CRTC1: variants seen among roughly 807,000 people sequenced by gnomAD.
The protein encoded by CRTC1 is CREB-regulated transcription coactivator 1.
A neutral mutation model predicts 66.1 loss-of-function variants in CRTC1; 18 were observed. The observed-to-expected ratio is 0.27, with a 90% CI of 0.19 to 0.40. CRTC1 has a LOEUF of 0.40. CRTC1 is among the 10% of genes least tolerant of loss of function. The probability of loss-of-function intolerance (pLI) is 1.00; values close to 1 mark genes in which losing one functional copy is unlikely to be tolerated. For synonymous variants in CRTC1, 416 were observed against 398.8 expected, an observed-to-expected ratio of 1.04 and a Z score of -0.51; for missense variants, 669 against 887.9, an observed-to-expected ratio of 0.75 and a Z score of 3.13.
intron 1 of CRTC1, among the ~76,000 whole-genome samples, chr19:18,737,189 C>T (rs545634139): frequency 6.7e-6 from 1 of 148,828 alleles, no homozygotes; most frequent in African/African-American, 2.5e-5. Context: ...AGGGTCCTGT[C>T]AGCAAGGGGT....
rs1181276874 is a variant in CRTC1, at chr19:18,768,918, T to A, written c.1320+125T>A. 1 of 1,223,576 alleles carries A rather than the reference T, an allele frequency of 8.2e-7. No individual in the cohort carries two copies. Among genetic ancestry groups the A allele is most frequent in the African/African-American group, 1.6e-5 (1 of 63,014 alleles). 75.8% of individuals were successfully genotyped at this position (1,223,576 alleles called of 1,614,324 possible). On this transcript the variant is annotated intron_variant, in intron 10 of 13. Coordinates refer to ENST00000321949, the MANE Select transcript of CRTC1 (RefSeq NM_015321.3). This position sits in a 1 kb window ranked among gnomAD's most constrained non-coding sequence, Gnocchi z 5.6. ...GGTCAGAACCCCAGCGAACGCTGCCTGGGCCCACCTCTCCACGGGGCTACC... is the reference window on the plus strand; with the variant it reads ...GGTCAGAACCCCAGCGAACGCTGCCAGGGCCCACCTCTCCACGGGGCTACC...
At chr19:18,740,040 G>A (rs2145716937) in intron 1 of CRTC1, among the ~76,000 whole-genome samples, 1 of 152,176 alleles carries the variant, frequency 6.6e-6, no homozygotes, top group African/African-American at 2.4e-5. Context: ...ATCTCTTGAG[G>A]TCAGGGGTTC....
At chr19:18,688,887 A>G (rs1307714122) in intron 1 of CRTC1, among the ~76,000 whole-genome samples, 1 of 152,072 alleles carries the variant, frequency 6.6e-6, no homozygotes, top group Non-Finnish European at 1.5e-5. Flanking sequence ...CCCCATCAAC[A>G]GTTACTTCCC....
intron 6 of CRTC1, among the ~76,000 whole-genome samples, chr19:18,759,075 C>G (rs1019401830): frequency 2.4e-4 from 36 of 152,292 alleles, no homozygotes; most frequent in Admixed American, 2.2e-3. Flanking sequence ...TGCAGTGACG[C>G]GTGCCTATGG....
Position 18,759,647 on chromosome 19 carries a change from C to T in CRTC1, c.665+56C>T, listed in dbSNP as rs940462534. On this transcript the variant is annotated intron_variant, in intron 7 of 13. Coordinates refer to ENST00000321949, the MANE Select transcript of CRTC1 (RefSeq NM_015321.3). Reference sequence around the variant, plus strand: ...TGCATCTGCTGCGCTGCTCCGTCCACCCTGGGGCATTCTGTCCACTCTCTT... The same window carrying T: ...TGCATCTGCTGCGCTGCTCCGTCCATCCTGGGGCATTCTGTCCACTCTCTT... 6 of 1,574,780 alleles carry T rather than the reference C, an allele frequency of 3.8e-6. No homozygotes were observed. The Admixed American group carries it at 8.6e-5, about 23-fold the overall frequency.
At chr19:18,694,775 ACT>A (rs1458642504) in intron 1 of CRTC1, among the ~76,000 whole-genome samples, 1 of 151,926 alleles carries the variant, frequency 6.6e-6, no homozygotes, top group Non-Finnish European at 1.5e-5. Flanking sequence ...GGCCTCTGGG[ACT>A]CACACACAGT....
rs376781610 is a variant in CRTC1 at position 18,725,467 on chromosome 19, C to T, written c.127-17443C>T. On this transcript the variant is annotated intron_variant, in intron 1 of 13. Transcript: ENST00000321949. Reference sequence around the variant, plus strand: ...GGACCCAGAACCTAGGAGGCCTCGGCCACCCTCCTGGAGCGGAGGTTGGGG... The same window carrying T: ...GGACCCAGAACCTAGGAGGCCTCGGTCACCCTCCTGGAGCGGAGGTTGGGG... Among the ~76,000 whole-genome samples, 41 of 152,232 alleles carry T rather than the reference C, an allele frequency of 2.7e-4. No homozygotes were observed. The East Asian group carries it at 6.4e-3, about 24-fold the overall frequency.
chr19:18,775,936 C>A, intron 13 of CRTC1, 115 bp downstream of exon 13: 1 of 1,152,242 alleles, frequency 8.7e-7, no homozygotes, highest in Non-Finnish European at 1.2e-6. Flanking sequence ...GGTTGTGACC[C>A]AAGCTTGATG....
chr19:18,734,734 C>T (rs995701121), intron 1 of CRTC1, among the ~76,000 whole-genome samples: 36 of 152,170 alleles, frequency 2.4e-4, no homozygotes, highest in African/African-American at 8.7e-4. Context: ...TGTGGCCTTG[C>T]TGCTCCAAGC....
At chr19:18,726,239 G>A (rs1002442313) in intron 1 of CRTC1, among the ~76,000 whole-genome samples, 2 of 152,246 alleles carry the variant, frequency 1.3e-5, no homozygotes, top group African/African-American at 2.4e-5. Flanking sequence ...CTCAGCCGGC[G>A]CTCCCAGCCA....
chr19:18,736,603 C>T (rs756802798), intron 1 of CRTC1, among the ~76,000 whole-genome samples: 13 of 152,008 alleles, frequency 8.6e-5, no homozygotes, highest in African/African-American at 2.2e-4. Flanking sequence ...AGGCAGCACC[C>T]GTGCAAAGGC....
intron 1 of CRTC1, among the ~76,000 whole-genome samples, chr19:18,728,821 T>TTTTTTTTTTTTTTTTTTTTTTG (rs2053819680): frequency 7.7e-6 from 1 of 130,100 alleles, no homozygotes; most frequent in African/African-American, 3.0e-5. Context: ...TGGCCTTTTT[T>TTTTTTTTTTTTTTTTTTTTTTG]TTTTTTTTTG....
chr19:18,749,457 G>T (rs1302111114), intron 4 of CRTC1, among the ~76,000 whole-genome samples: 1 of 152,230 alleles, frequency 6.6e-6, no homozygotes, highest in Non-Finnish European at 1.5e-5. Flanking sequence ...AAGCCAAGAA[G>T]CCTTGCTCTG....
chr19:18,726,925 T>TG (rs201153104), intron 1 of CRTC1, among the ~76,000 whole-genome samples: 1,519 of 114,590 alleles, frequency 0.013, 44 homozygotes, highest in African/African-American at 0.044. Flanking sequence ...GACTCCGTCT[T>TG]GGGGAAAAAA....
rs755178748 is a variant in CRTC1 at position 18,779,054 on chromosome 19, A to G, written c.*1672A>G. 3.9e-5 allele frequency: 9 copies of G among 232,398 alleles called. No individual in the cohort carries two copies. The highest frequency in any genetic ancestry group is 6.8e-5 in the Non-Finnish European group (8 of 117,616). 14.4% of individuals were successfully genotyped at this position (232,398 alleles called of 1,614,324 possible). ...CCACGGGCCCTGCAAGGGAGGCATC[A>G]GGGCTGGCTTTGTTTTCTGCTGTTC... On this transcript the variant is annotated 3_prime_UTR_variant, in exon 14 of 14. Coordinates refer to ENST00000321949, the MANE Select transcript of CRTC1 (RefSeq NM_015321.3).
At chr19:18,722,180 G>T (rs934088964) in intron 1 of CRTC1, among the ~76,000 whole-genome samples, 3 of 152,220 alleles carry the variant, frequency 2.0e-5, no homozygotes, top group Non-Finnish European at 1.5e-5. Flanking sequence ...GGAGCTTGCA[G>T]CCCTGAATGG....
intron 2 of CRTC1, chr19:18,744,023 A>G (rs1474619201): frequency 6.8e-7 from 1 of 1,471,592 alleles, no homozygotes; most frequent in Non-Finnish European, 9.4e-7. Flanking sequence ...CGAGGCCCAC[A>G]GCCCGGGGGG....
At chr19:18,714,311 ACT>A (rs964894702) in intron 1 of CRTC1, among the ~76,000 whole-genome samples, 1 of 145,536 alleles carries the variant, frequency 6.9e-6, no homozygotes, top group African/African-American at 2.5e-5. Flanking sequence ...CAAAACTAAC[ACT>A]CTTTTTTTTT....
chr19:18,751,014 G>A (rs2054351050), intron 5 of CRTC1, among the ~76,000 whole-genome samples: 1 of 152,160 alleles, frequency 6.6e-6, no homozygotes, highest in African/African-American at 2.4e-5. Flanking sequence ...TGTGACATGG[G>A]ACCCCTGGTG....
Sources: gnomAD v4.1 joint callset for allele counts (sites outside exome capture counted in the v4.1 genomes callset) on GRCh38, gnomAD v4.1.1 for gene constraint, Gnocchi (gnomAD v3.1) non-coding constraint, MANE v1.5 for transcripts, NCBI Gene and HGNC (gene_info 2026-07-23, HGNC 2026-07-21) for gene names.